The following KCNIP1 variants were observed in gnomAD, a reference collection of about 807,000 sequenced individuals.
The protein encoded by KCNIP1 is potassium voltage-gated channel interacting protein 1, also known as A-type potassium channel modulatory protein KCNIP1.
In KCNIP1, 18 loss-of-function variants were observed where a neutral mutation model predicts 33.0. That is an observed-to-expected ratio of 0.55 (90% confidence interval 0.38 to 0.81). KCNIP1 has a LOEUF of 0.81. Among genes scored for constraint, KCNIP1 ranks in the 30% least tolerant of loss-of-function variants. The pLI is 0.00. For missense variants in KCNIP1, 238 were observed against 271.6 expected (o/e 0.88, Z 0.87); for synonymous variants, 93 against 98.3 (o/e 0.95, Z 0.32).
chr5:170,657,650 G>C (rs6871693), intron 1 of KCNIP1, among the ~76,000 whole-genome samples: 97,569 of 152,076 alleles, frequency 0.64, 32,331 homozygotes, highest in African/African-American at 0.81. Context: ...CCTAAGATCT[G>C]CAACTGTTGA....
At position 170,708,829 on chromosome 5, in the gene KCNIP1, G is replaced by A. The variant is rs192753571; in HGVS notation, c.62-9929G>A. Among the ~76,000 whole-genome samples the A allele has an allele frequency of 3.6e-3, 545 of 152,282 alleles. 2 individuals are homozygous for A. Among genetic ancestry groups the A allele is most frequent in the Non-Finnish European group, 5.9e-3 (401 of 68,006 alleles). ...TGGGAGGATTGCTTGAGCCTGGGAGGCAGAGGTTGCAGTGAGTGGAGATCA... is the reference window on the plus strand; with the variant it reads ...TGGGAGGATTGCTTGAGCCTGGGAGACAGAGGTTGCAGTGAGTGGAGATCA... On this transcript the variant is annotated intron_variant, in intron 1 of 7. Transcript: ENST00000328939.
rs182183429 is a variant in KCNIP1, at chr5:170,729,464, G to A, written c.436-3336G>A. On this transcript the variant is annotated intron_variant, in intron 5 of 7. Coordinates refer to ENST00000328939, the MANE Select transcript of KCNIP1 (RefSeq NM_014592.4). ...ACAATATCTAGCACATGGTAGATGC[G>A]TAAAAATACCTTTAAATAAATTAAA... Among the ~76,000 whole-genome samples, 244 of 151,984 alleles carry A rather than the reference G, an allele frequency of 1.6e-3. 4 individuals are homozygous for A. The highest frequency in any genetic ancestry group is 4.2e-3 in the African/African-American group (175 of 41,498).
At chr5:170,641,241 A>C (rs1301708385) in intron 1 of KCNIP1, among the ~76,000 whole-genome samples, 2 of 152,092 alleles carry the variant, frequency 1.3e-5, no homozygotes, top group East Asian at 1.9e-4. Context: ...CCCAGACCCC[A>C]CCTCTGTGCC....
chr5:170,524,180 TG>T (rs1017742838), intron 1 of KCNIP1, among the ~76,000 whole-genome samples: 1 of 152,174 alleles, frequency 6.6e-6, no homozygotes, highest in African/African-American at 2.4e-5. Context: ...AGTCCTTCCA[TG>T]GTTTCCTTCA....
At chr5:170,564,061 G>A (rs867122444) in intron 1 of KCNIP1, among the ~76,000 whole-genome samples, 5 of 152,170 alleles carry the variant, frequency 3.3e-5, no homozygotes, top group African/African-American at 4.8e-5. Flanking sequence ...CCATAACCAC[G>A]TCACAGTGCA....
At chr5:170,699,562 A>C (rs1258757303) in intron 1 of KCNIP1, among the ~76,000 whole-genome samples, 6 of 139,058 alleles carry the variant, frequency 4.3e-5, no homozygotes, top group African/African-American at 9.4e-5. Flanking sequence ...CTGTGAAAAA[A>C]AAAAAAAAAA....
At chr5:170,497,803 G>C (rs960224518) in intron 1 of KCNIP1, among the ~76,000 whole-genome samples, 5 of 152,180 alleles carry the variant, frequency 3.3e-5, no homozygotes, top group African/African-American at 9.7e-5. Flanking sequence ...TGCAGGATCT[G>C]GGTAACTGGG....
chr5:170,577,960 T>TA lies in KCNIP1; in HGVS notation c.61+73335dup, dbSNP rs60237759. Among the ~76,000 whole-genome samples the TA allele has an allele frequency of 9.4e-3, 1,430 of 152,106 alleles. 25 individuals carry two copies. Among genetic ancestry groups the TA allele is most frequent in the African/African-American group, 0.031 (1,304 of 41,526 alleles). On this transcript the variant is annotated intron_variant, in intron 1 of 7. Transcript: ENST00000328939. ...AATTTTTTACAATTTTTTGCTATCCTAAAAAAAATGTGTCAATGAACAACT... is the reference window on the plus strand; with the variant it reads ...AATTTTTTACAATTTTTTGCTATCCTAAAAAAAAATGTGTCAATGAACAACT...
At chr5:170,517,130 T>C (rs761692267) in intron 1 of KCNIP1, among the ~76,000 whole-genome samples, 26 of 152,194 alleles carry the variant, frequency 1.7e-4, no homozygotes, top group Non-Finnish European at 3.2e-4. Flanking sequence ...CTACAGGCTT[T>C]CCAGGAGGCA....
At chr5:170,535,226 G>A (rs1423680914) in intron 1 of KCNIP1, among the ~76,000 whole-genome samples, 13 of 152,146 alleles carry the variant, frequency 8.5e-5, no homozygotes, top group African/African-American at 2.7e-4. Context: ...GAGGGAGGCC[G>A]TGTCCTCCAC....
At chr5:170,613,370 CTTATT>C (rs1317581663) in intron 1 of KCNIP1, among the ~76,000 whole-genome samples, 1 of 152,114 alleles carries the variant, frequency 6.6e-6, no homozygotes, top group Non-Finnish European at 1.5e-5. Context: ...TAATTGAGTG[CTTATT>C]TTATGTCAAG....
intron 1 of KCNIP1, among the ~76,000 whole-genome samples, chr5:170,428,018 T>C (rs1755650376): frequency 6.6e-6 from 1 of 152,228 alleles, no homozygotes; most frequent in Non-Finnish European, 1.5e-5. Flanking sequence ...CTCCTCCACG[T>C]GGTGAGCTCC....
At chr5:170,563,825 A>G (rs1160837105) in intron 1 of KCNIP1, among the ~76,000 whole-genome samples, 1 of 152,114 alleles carries the variant, frequency 6.6e-6, no homozygotes, top group Non-Finnish European at 1.5e-5. Flanking sequence ...TTTTTAGTAG[A>G]GACAGGGTTT....
intron 1 of KCNIP1, among the ~76,000 whole-genome samples, chr5:170,666,951 C>G (rs907940470): frequency 6.6e-6 from 1 of 152,204 alleles, no homozygotes; most frequent in Non-Finnish European, 1.5e-5. Flanking sequence ...CTCTTCTTTA[C>G]GAAGTAAATG....
chr5:170,689,979 C>T (rs1762665883), intron 1 of KCNIP1, among the ~76,000 whole-genome samples: 1 of 152,194 alleles, frequency 6.6e-6, no homozygotes, highest in African/African-American at 2.4e-5. Context: ...CTTTTGTATG[C>T]AAGGCCTGAA....
chr5:170,661,071 G>A (rs1247629986), intron 1 of KCNIP1, among the ~76,000 whole-genome samples: 2 of 152,234 alleles, frequency 1.3e-5, no homozygotes, highest in East Asian at 1.9e-4. Context: ...GGCATTTGGT[G>A]AGACAGAAAT....
At chr5:170,681,110 A>G in intron 1 of KCNIP1, 1 of 399,244 alleles carries the variant, frequency 2.5e-6, no homozygotes, top group Middle Eastern at 6.3e-4. Context: ...AGACACTGGG[A>G]ATAGTGGTGG....
intron 1 of KCNIP1, among the ~76,000 whole-genome samples, chr5:170,609,864 A>G (rs1759075924): frequency 6.6e-6 from 1 of 152,174 alleles, no homozygotes; most frequent in Non-Finnish European, 1.5e-5. Context: ...CTCTAAAAAC[A>G]AACAAACAAA....
chr5:170,457,996 A>G (rs1756424572), intron 1 of KCNIP1, among the ~76,000 whole-genome samples: 1 of 152,212 alleles, frequency 6.6e-6, no homozygotes, highest in Non-Finnish European at 1.5e-5. Flanking sequence ...TAGCATAAAT[A>G]AAAAACAATC....
Sources: gnomAD v4.1 joint callset for allele counts (sites outside exome capture counted in the v4.1 genomes callset) on GRCh38, gnomAD v4.1.1 for gene constraint, MANE v1.5 for transcripts, NCBI Gene and HGNC (gene_info 2026-07-23, HGNC 2026-07-21) for gene names.